Variants in RELN observed in about 807,000 individuals in gnomAD.
RELN encodes the protein reelin.
A neutral mutation model predicts 427.6 loss-of-function variants in RELN; 108 were observed. That is an observed-to-expected ratio of 0.25 (90% CI 0.22 to 0.30). The LOEUF is 0.30. Among genes scored for constraint, RELN ranks in the 10% least tolerant of loss-of-function variants. The pLI is 1.00. For synonymous variants in RELN, 1,524 were observed against 1,513.4 expected (o/e 1.01, Z -0.16); for missense variants, 3,715 against 4,302.8 (o/e 0.86, Z 3.82).
At chr7:103,926,179 C>A (rs1795731524) in intron 1 of RELN, among the ~76,000 whole-genome samples, 1 of 141,220 alleles carries the variant, frequency 7.1e-6, no homozygotes, top group South Asian at 2.4e-4. Flanking sequence ...TGGCTCACTG[C>A]AACCTCTGCC....
intron 9 of RELN, among the ~76,000 whole-genome samples, chr7:103,698,471 A>G (rs578166387): frequency 1.3e-5 from 2 of 152,316 alleles, no homozygotes; most frequent in South Asian, 2.1e-4. Flanking sequence ...TAAACATACA[A>G]TCTAAAACAG....
chr7:103,975,360 C>A (rs1280263830), intron 1 of RELN, among the ~76,000 whole-genome samples: 1 of 152,092 alleles, frequency 6.6e-6, no homozygotes, highest in Non-Finnish European at 1.5e-5. Context: ...AGTAGAGGAG[C>A]AAGCAAAACC....
chr7:103,647,667 T>C (rs1268073978), intron 16 of RELN, among the ~76,000 whole-genome samples: 2 of 151,908 alleles, frequency 1.3e-5, no homozygotes, highest in Non-Finnish European at 2.9e-5. Flanking sequence ...CCTATCAGAA[T>C]ACTAATGTCA....
At chr7:103,572,557 G>A (rs1398689663) in intron 30 of RELN, among the ~76,000 whole-genome samples, 1 of 150,548 alleles carries the variant, frequency 6.6e-6, no homozygotes, top group Middle Eastern at 3.2e-3. Context: ...TTTTTTTTGA[G>A]ACGGAGTCTT....
intron 2 of RELN, among the ~76,000 whole-genome samples, chr7:103,906,126 G>A (rs1190251233): frequency 6.6e-6 from 1 of 152,002 alleles, no homozygotes; most frequent in African/African-American, 2.4e-5. Flanking sequence ...GAAGAGGTGT[G>A]GGAAAGGACA....
intron 1 of RELN, 68 bp from the exon 2 acceptor site, chr7:103,917,253 T>G: frequency 8.3e-7 from 1 of 1,200,284 alleles, no homozygotes. Flanking sequence ...TTCTGAAGTG[T>G]TAGACATTGT....
Position 103,620,768 on chromosome 7 carries a change from C to G in RELN, c.2703-8965G>C, listed in dbSNP as rs960286623. Among the ~76,000 whole-genome samples the G allele has an allele frequency of 6.6e-6, 1 of 152,200 alleles. No homozygotes were observed. Among genetic ancestry groups the G allele is most frequent in the African/African-American group, 2.4e-5 (1 of 41,452 alleles). On this transcript the variant is annotated intron_variant, in intron 20 of 64. Transcript: ENST00000428762. This position sits in a 1 kb window ranked among gnomAD's most constrained non-coding sequence, Gnocchi z 4.1. ...GGATTACAGGTGTGAGCCACCGCGC[C>G]TGGCCTAACCTGATCCACATTTATA... is the stretch of plus-strand genomic sequence containing the variant.
intron 2 of RELN, among the ~76,000 whole-genome samples, chr7:103,835,046 C>G (rs544440936): frequency 6.6e-6 from 1 of 152,264 alleles, no homozygotes; most frequent in Admixed American, 6.5e-5. Flanking sequence ...TTGGAAGCAA[C>G]CAAGATGTCC....
intron 4 of RELN, among the ~76,000 whole-genome samples, chr7:103,768,022 GTC>G (rs1440087050): frequency 6.6e-6 from 1 of 152,088 alleles, no homozygotes; most frequent in Non-Finnish European, 1.5e-5. Flanking sequence ...TTTACTGTCT[GTC>G]TCCTCTTCAC....
At chr7:103,606,926 C>T (rs971824630) in intron 22 of RELN, among the ~76,000 whole-genome samples, 7 of 151,818 alleles carry the variant, frequency 4.6e-5, no homozygotes, top group South Asian at 2.1e-4. Flanking sequence ...TAAGAACATG[C>T]GGTGTTTGGT....
At chr7:103,682,015 T>G in intron 11 of RELN, 101 bp downstream of exon 11, 1 of 1,133,928 alleles carries the variant, frequency 8.8e-7, no homozygotes, top group Non-Finnish European at 1.3e-6. Context: ...TCAGTATTGA[T>G]CTAAGTATGC....
In RELN at chr7:103,842,484, T is replaced by C. The variant is rs111255921; in HGVS notation, c.338-8812A>G. ...TTCAACAAAGCCAAACATGATTTCA[T>C]ATGCTGAAAAGTAATCATAGAATTT... On this transcript the variant is annotated intron_variant, in intron 2 of 64. Coordinates refer to ENST00000428762, the MANE Select transcript of RELN (RefSeq NM_005045.4). 1.7e-3 allele frequency among the ~76,000 whole-genome samples: 252 copies of C among 152,326 alleles called. 1 individual carries two copies. The highest frequency in any genetic ancestry group is 5.9e-3 in the African/African-American group (244 of 41,588).
chr7:103,695,874 A>G (rs1367445127), intron 10 of RELN, among the ~76,000 whole-genome samples: 1 of 152,158 alleles, frequency 6.6e-6, no homozygotes, highest in Non-Finnish European at 1.5e-5. Context: ...TGAAGGAGCC[A>G]TGACTTCAGA....
intron 3 of RELN, among the ~76,000 whole-genome samples, chr7:103,789,887 T>C (rs989898810): frequency 6.6e-6 from 1 of 152,008 alleles, no homozygotes; most frequent in Non-Finnish European, 1.5e-5. Context: ...TGCACATGTA[T>C]GTTTACTGCG....
intron 2 of RELN, among the ~76,000 whole-genome samples, chr7:103,905,613 C>G (rs1232754889): frequency 6.6e-6 from 1 of 152,174 alleles, no homozygotes; most frequent in East Asian, 1.9e-4. Context: ...CTTACGAATC[C>G]TCAAAGATTG....
At chr7:103,804,922 T>C (rs1232342530) in intron 3 of RELN, among the ~76,000 whole-genome samples, 1 of 152,174 alleles carries the variant, frequency 6.6e-6, no homozygotes, top group Non-Finnish European at 1.5e-5. Context: ...CAAATTATCA[T>C]GGATGAGTAA....
At chr7:103,965,524 A>C (rs192308853) in intron 1 of RELN, among the ~76,000 whole-genome samples, 7 of 152,290 alleles carry the variant, frequency 4.6e-5, no homozygotes, top group African/African-American at 1.7e-4. Context: ...TAATGAAACC[A>C]TCATTTTTAT....
chr7:103,754,064 G>A (rs1335910102), intron 4 of RELN, among the ~76,000 whole-genome samples: 1 of 151,914 alleles, frequency 6.6e-6, no homozygotes, highest in African/African-American at 2.4e-5. Context: ...GAAACACTGG[G>A]TATGTGGATC....
At chr7:103,723,554 C>T (rs1013259509) in intron 7 of RELN, among the ~76,000 whole-genome samples, 1 of 152,080 alleles carries the variant, frequency 6.6e-6, no homozygotes, top group African/African-American at 2.4e-5. Flanking sequence ...ATCAATAGAT[C>T]GGGGACCCAA....
Sources: allele counts gnomAD v4.1 joint callset (sites outside exome capture counted in the v4.1 genomes callset), GRCh38; gene constraint gnomAD v4.1.1; non-coding constraint Gnocchi (gnomAD v3.1); transcripts MANE v1.5; gene names NCBI Gene and HGNC (gene_info 2026-07-23, HGNC 2026-07-21).